Variants in PPFIA4 observed in about 807,000 individuals in gnomAD.
PPFIA4 encodes PPFI scaffold protein A4.
In PPFIA4, 98 loss-of-function variants were observed where a neutral mutation model predicts 145.7. The ratio of observed to expected loss-of-function variants is 0.67; its 90% CI spans 0.57 to 0.80. The LOEUF is 0.80. PPFIA4 is among the 30% of genes least tolerant of loss of function. The pLI is 0.00. For synonymous variants in PPFIA4, 628 were observed against 649.6 expected, an observed-to-expected ratio of 0.97 and a Z score of 0.51; for missense variants, 1,457 against 1,632.7, an observed-to-expected ratio of 0.89 and a Z score of 1.85.
chr1:203,053,922 T>G lies in PPFIA4; in HGVS notation c.1790T>G (p.Met597Arg). 2.6e-6 allele frequency: 4 copies of G among 1,567,908 alleles called. No individual in the cohort carries two copies. In the South Asian group the frequency reaches 4.7e-5, roughly 18 times the overall value. The change falls in exon 15 of 30, where the codon ATG becomes AGG. Residue 597 changes from methionine to arginine, a missense_variant. Transcript: ENST00000295706. The stretch of plus-strand genomic sequence containing the variant: ...TCAGATGCCCAGACCCTGGCCATGA[T>G]GCTGCAGGAGCAGCTGGATGCCATC... ...GHSDAQTLAMMLQEQLDAINE... is the reference protein window; with the variant it reads ...GHSDAQTLAMRLQEQLDAINE...
chr1:203,063,460 C>T (rs779946657), intron 24 of PPFIA4: 11 of 213,416 alleles, frequency 5.2e-5, no homozygotes, highest in Admixed American at 1.8e-4. Flanking sequence ...CTGGGCTCAG[C>T]GGGCTTGAGG....
At chr1:203,033,423 C>T (rs934954191) in intron 1 of PPFIA4, among the ~76,000 whole-genome samples, 1 of 152,144 alleles carries the variant, frequency 6.6e-6, no homozygotes, top group Non-Finnish European at 1.5e-5. Context: ...AGCCTTGAGG[C>T]GCTTTGGGAG....
At position 203,063,882 on chromosome 1, in the gene PPFIA4, A is replaced by G. The variant is rs770285562; in HGVS notation, c.2929A>G (p.Ser977Gly). 29 of 1,613,966 alleles carry G rather than the reference A, an allele frequency of 1.8e-5. No homozygotes were observed. In the South Asian group the frequency reaches 2.9e-4, roughly 16 times the overall value. Residue 977 changes from serine (S) to glycine (G), a missense_variant, in exon 25 of 30, where the codon AGC (serine) becomes GGC (glycine). Physicochemically the swap from Ser to Gly is moderately conservative, Grantham distance 56 (BLOSUM62 0). Coordinates refer to ENST00000295706, the MANE Select transcript of PPFIA4 (RefSeq NM_001304331.2). Reference protein sequence around the residue: ...HEWIGNEWLPSLGLPQYRSYF... With the variant: ...HEWIGNEWLPGLGLPQYRSYF... ...GTGGATTGGGAATGAATGGCTACCC[A>G]GCCTGGGGCTCCCGCAGTACCGCAG... is the stretch of plus-strand genomic sequence containing the variant.
At chr1:203,074,141 C>T (rs748094094) in intron 28 of PPFIA4, among the ~76,000 whole-genome samples, 1 of 152,246 alleles carries the variant, frequency 6.6e-6, no homozygotes, top group East Asian at 1.9e-4. Context: ...GAAAGAGATA[C>T]AGTCATGCAT....
In PPFIA4 at chr1:203,048,287, G is replaced by C; in HGVS notation, c.1201G>C (p.Glu401Gln). The C allele has an allele frequency of 6.2e-7, 1 of 1,612,802 alleles. No homozygotes were observed. The highest frequency in any genetic ancestry group is 8.5e-7 in the Non-Finnish European group (1 of 1,179,866). The change falls in exon 10 of 30, where the codon GAG becomes CAG. Residue 401 changes from glutamate to glutamine, a missense_variant. Physicochemically the swap from Glu to Gln is conservative, Grantham distance 29. Coordinates refer to ENST00000295706, the MANE Select transcript of PPFIA4 (RefSeq NM_001304331.2). This position sits in a 1 kb window ranked among gnomAD's most constrained non-coding sequence, Gnocchi z 5.8. ...GCGGCAGCTGGAGGGACAGCTGGAG[G>C]AGAAGAACCAGGAGCTGGCACGGGT... ...HLRQLEGQLE[E>Q]KNQELARVRQ... is the part of the protein sequence containing the mutation.
chr1:203,060,472 G>T lies in PPFIA4; in HGVS notation c.2784+55G>T. Reference sequence around the variant, plus strand: ...TTTCAGAGGTCCTGGAACATAGTTTGCAAGGTCTCCTGTTGGGCTTTGGGA... The same window carrying T: ...TTTCAGAGGTCCTGGAACATAGTTTTCAAGGTCTCCTGTTGGGCTTTGGGA... On this transcript the variant is annotated intron_variant, in intron 22 of 29. Transcript: ENST00000295706. The surrounding 1 kb of genome is among the most constrained non-coding windows in gnomAD (Gnocchi z 4.8). 6.3e-7 allele frequency: 1 copy of T among 1,577,810 alleles called. No individual in the cohort carries two copies. Among genetic ancestry groups the T allele is most frequent in the South Asian group, 1.1e-5 (1 of 90,150 alleles).
intron 2 of PPFIA4, among the ~76,000 whole-genome samples, chr1:203,039,840 G>A (rs1354792404): frequency 6.6e-6 from 1 of 152,196 alleles, no homozygotes; most frequent in African/African-American, 2.4e-5. Flanking sequence ...CCTGAAGTTG[G>A]TGCTGTTACC....
At chr1:203,049,407 C>T (rs550209409) in intron 12 of PPFIA4, among the ~76,000 whole-genome samples, 38 of 152,280 alleles carry the variant, frequency 2.5e-4, no homozygotes, top group African/African-American at 6.7e-4. Flanking sequence ...AGTGAGGGGT[C>T]GGCAGGCCTA....
chr1:203,069,760 C>CT (rs1476062907), intron 27 of PPFIA4, among the ~76,000 whole-genome samples: 1 of 127,440 alleles, frequency 7.8e-6, no homozygotes, highest in East Asian at 2.3e-4. Flanking sequence ...CAGTGACCCC[C>CT]CCGCCCCGCC....
Position 203,045,557 on chromosome 1 carries a change from G to C in PPFIA4, c.856G>C (p.Glu286Gln). ...CAGCAAGCATCAGCGGGACCTCCGG[G>C]AGGTGCGTGAGGGCGCAGGCCTGCT... Reference protein sequence around the residue: ...LSSKHQRDLREALAQKEDMEE... With the variant: ...LSSKHQRDLRQALAQKEDMEE... The change falls in exon 7 of 30, where the codon GAG (glutamate) becomes CAG (glutamine). Residue 286 changes from glutamate (E) to glutamine (Q), a missense_variant and splice_region_variant. Transcript: ENST00000295706. 1 of 1,581,204 alleles carries C rather than the reference G, an allele frequency of 6.3e-7. No individual in the cohort carries two copies. The highest frequency in any genetic ancestry group is 8.6e-7 in the Non-Finnish European group (1 of 1,164,596).
At chr1:203,067,611 G>A in intron 25 of PPFIA4, 84 bp from the exon 26 acceptor site, 1 of 1,173,970 alleles carries the variant, frequency 8.5e-7, no homozygotes, top group South Asian at 1.2e-5. Flanking sequence ...GTCTGGACAT[G>A]CTGTGGCTGA....
chr1:203,069,333 GA>G (rs1470320290), intron 27 of PPFIA4, among the ~76,000 whole-genome samples: 1 of 152,090 alleles, frequency 6.6e-6, no homozygotes, highest in Non-Finnish European at 1.5e-5. Context: ...TATTTGTCCT[GA>G]AAATGCCCCT....
At chr1:203,049,476 C>A (rs538015547) in intron 12 of PPFIA4, among the ~76,000 whole-genome samples, 200 bp from the exon 13 acceptor site, 1 of 152,350 alleles carries the variant, frequency 6.6e-6, no homozygotes, top group Non-Finnish European at 1.5e-5. Context: ...CCCATCCTTC[C>A]ACTCACTCTC....
rs552403270 is a variant in PPFIA4 at position 203,071,679 on chromosome 1, C to T, written c.3325-13C>T. On this transcript the variant is annotated splice_polypyrimidine_tract_variant and intron_variant, in intron 27 of 29. Transcript: ENST00000295706. ...CCTTCCCACCTTTCCCTCTCCTGCT[C>T]TATGGACTGCAGGCACGCCAAGTGA... The T allele has an allele frequency of 3.1e-6, 5 of 1,601,514 alleles. No homozygotes were observed. Among genetic ancestry groups the T allele is most frequent in the Middle Eastern group, 3.3e-4 (2 of 6,046 alleles).
Position 203,060,235 on chromosome 1 carries a change from G to A in PPFIA4, c.2602G>A (p.Ala868Thr). Residue 868 changes from alanine to threonine, a missense_variant, in exon 22 of 30, where the codon GCC becomes ACC. Ala to Thr is a moderately conservative substitution (Grantham distance 58). Coordinates refer to ENST00000295706, the MANE Select transcript of PPFIA4 (RefSeq NM_001304331.2). This position sits in a 1 kb window ranked among gnomAD's most constrained non-coding sequence, Gnocchi z 4.8. ...SWLELWVGMP[A>T]WYVAACRANV... ...TCTGCAGCTCTGGGTGGGGATGCCT[G>A]CCTGGTATGTGGCAGCCTGCCGGGC... is the stretch of plus-strand genomic sequence containing the variant. 1 of 1,614,056 alleles carries A rather than the reference G, an allele frequency of 6.2e-7. No individual in the cohort carries two copies. Among genetic ancestry groups the A allele is most frequent in the Non-Finnish European group, 8.5e-7 (1 of 1,179,972 alleles).
Position 203,043,809 on chromosome 1 carries a change from G to T in PPFIA4, c.337-122G>T. 9.9e-7 allele frequency: 1 copy of T among 1,010,360 alleles called. No homozygotes were observed. Among genetic ancestry groups the T allele is most frequent in the Non-Finnish European group, 1.4e-6 (1 of 705,486 alleles). 62.6% of individuals were successfully genotyped at this position (1,010,360 alleles called of 1,614,324 possible). On this transcript the variant is annotated intron_variant, in intron 3 of 29. Coordinates refer to ENST00000295706, the MANE Select transcript of PPFIA4 (RefSeq NM_001304331.2). The surrounding 1 kb of genome is among the most constrained non-coding windows in gnomAD (Gnocchi z 4.4). ...TCTGTGCCCATTTGGAAGTATTTCA[G>T]TGTTTTCACAGTGGGGTGGCTGTAA...
chr1:203,055,590 C>T lies in PPFIA4; in HGVS notation c.1988C>T (p.Pro663Leu). Residue 663 changes from proline to leucine, a missense_variant, in exon 16 of 30, where the codon CCA becomes CTA. Transcript: ENST00000295706. This position sits in a 1 kb window ranked among gnomAD's most constrained non-coding sequence, Gnocchi z 4.8. Reference protein sequence around the residue: ...LTALSLASASPPLSGRSTPKL... With the variant: ...LTALSLASASLPLSGRSTPKL... The stretch of plus-strand genomic sequence containing the variant: ...GCCCTGTCCCTGGCCAGCGCGTCCC[C>T]ACCACTCAGCGGCCGCTCCACACCT... The T allele has an allele frequency of 6.2e-7, 1 of 1,614,038 alleles. No individual in the cohort carries two copies. The highest frequency in any genetic ancestry group is 8.5e-7 in the Non-Finnish European group (1 of 1,179,890).
Position 203,055,701 on chromosome 1 carries a change from C to A in PPFIA4, c.2070+29C>A. On this transcript the variant is annotated intron_variant, in intron 16 of 29. Transcript: ENST00000295706. The surrounding 1 kb of genome is among the most constrained non-coding windows in gnomAD (Gnocchi z 4.8). ...AGAGGCAGCTGAGGAGCAGGCCTGG[C>A]ATCACTGGACCCTGCACCGGGGGAG... 1 of 1,610,336 alleles carries A rather than the reference C, an allele frequency of 6.2e-7. No individual in the cohort carries two copies. Among genetic ancestry groups the A allele is most frequent in the Non-Finnish European group, 8.5e-7 (1 of 1,177,110 alleles).
At chr1:203,047,608 C>T (rs546819247) in intron 9 of PPFIA4, among the ~76,000 whole-genome samples, 332 of 152,304 alleles carry the variant, frequency 2.2e-3, no homozygotes, top group African/African-American at 7.6e-3. Context: ...GAGACTACCC[C>T]ACCTGGGCTG....
Sources: gnomAD v4.1 joint callset for allele counts (sites outside exome capture counted in the v4.1 genomes callset) on GRCh38, gnomAD v4.1.1 for gene constraint, Gnocchi (gnomAD v3.1) non-coding constraint, MANE v1.5 for transcripts, NCBI Gene and HGNC (gene_info 2026-07-23, HGNC 2026-07-21) for gene names.